Variants in ATP13A5 observed in about 807,000 individuals in gnomAD.
The protein encoded by ATP13A5 is probable cation-transporting ATPase 13A5.
In ATP13A5, 149 loss-of-function variants were observed where a neutral mutation model predicts 150.2. That is an observed-to-expected ratio of 0.99 (90% CI 0.87 to 1.14). ATP13A5 has a LOEUF of 1.14. Ranked by LOEUF, ATP13A5 falls within the 50% of genes most tolerant of loss-of-function variation. The pLI is 0.00. For synonymous variants in ATP13A5, 497 were observed against 522.2 expected, an observed-to-expected ratio of 0.95 and a Z score of 0.66; for missense variants, 1,383 against 1,449.3, an observed-to-expected ratio of 0.95 and a Z score of 0.74.
chr3:193,311,795 A>G, intron 20 of ATP13A5, 21 bp downstream of exon 20: 1 of 1,612,900 alleles, frequency 6.2e-7, no homozygotes, highest in Non-Finnish European at 8.5e-7. Flanking sequence ...AAAACAAAAC[A>G]CTTCTTTCTT....
At chr3:193,336,686 A>G (rs113242710) in intron 9 of ATP13A5, among the ~76,000 whole-genome samples, 1 of 152,196 alleles carries the variant, frequency 6.6e-6, no homozygotes, top group African/African-American at 2.4e-5. Context: ...GAATAGTGCC[A>G]CAATAAACAT....
chr3:193,344,900 A>G, intron 8 of ATP13A5, 103 bp downstream of exon 8: 2 of 1,200,576 alleles, frequency 1.7e-6, no homozygotes, highest in Non-Finnish European at 2.4e-6. Flanking sequence ...TTCTGGGTTC[A>G]ATCTGAAAAG....
At chr3:193,360,245 A>G (rs1712953375) in intron 5 of ATP13A5, among the ~76,000 whole-genome samples, 1 of 152,174 alleles carries the variant, frequency 6.6e-6, no homozygotes, top group South Asian at 2.1e-4. Context: ...ATTTCTCCTG[A>G]TGTTTGGATA....
intron 12 of ATP13A5, among the ~76,000 whole-genome samples, 160 bp from the exon 13 acceptor site, chr3:193,327,217 A>G (rs1172354860): frequency 6.6e-6 from 1 of 152,258 alleles, no homozygotes; most frequent in Non-Finnish European, 1.5e-5. Flanking sequence ...AGTACCCACA[A>G]GAAAAATTAA....
At chr3:193,331,365 C>T (rs1711624625) in intron 11 of ATP13A5, 54 bp from the exon 12 acceptor site, 2 of 1,519,084 alleles carry the variant, frequency 1.3e-6, no homozygotes, top group East Asian at 2.3e-5. Context: ...CAGACTGCCA[C>T]CCTTCCTAGT....
intron 9 of ATP13A5, among the ~76,000 whole-genome samples, chr3:193,340,194 G>C (rs941579865): frequency 6.6e-6 from 1 of 152,204 alleles, no homozygotes; most frequent in Admixed American, 6.5e-5. Flanking sequence ...TGTCCACAAG[G>C]ATCAAGATGC....
chr3:193,351,167 G>A lies in ATP13A5; in HGVS notation c.641C>T (p.Thr214Ile). ...LNPFYVFQAFTLTLWLSQGYI... is the reference protein window; with the variant it reads ...LNPFYVFQAFILTLWLSQGYI... The stretch of plus-strand genomic sequence containing the variant: ...ACCTTGAGACAGCCACAAAGTTAGG[G>A]TGAAGGCTTGGAACACATAGAATGG... The change falls in exon 7 of 30, where the codon ACC (threonine) becomes ATC (isoleucine). Residue 214 changes from threonine (T) to isoleucine (I), a missense_variant. Physicochemically the swap from Thr to Ile is moderately conservative, Grantham distance 89 (BLOSUM62 -1). Coordinates refer to ENST00000342358, the MANE Select transcript of ATP13A5 (RefSeq NM_198505.4). The A allele has an allele frequency of 1.9e-6, 3 of 1,613,808 alleles. No individual in the cohort carries two copies. The highest frequency in any genetic ancestry group is 2.5e-6 in the Non-Finnish European group (3 of 1,179,746).
intron 22 of ATP13A5, among the ~76,000 whole-genome samples, chr3:193,306,425 G>T (rs1718621702): frequency 6.6e-6 from 1 of 151,962 alleles, no homozygotes; most frequent in African/African-American, 2.4e-5. Context: ...ACGTATTCTA[G>T]ATTTGAAAGA....
intron 7 of ATP13A5, among the ~76,000 whole-genome samples, chr3:193,350,212 G>C (rs923589592): frequency 6.6e-6 from 1 of 151,592 alleles, no homozygotes; most frequent in African/African-American, 2.4e-5. Context: ...ATATAAGCTG[G>C]TATATATATA....
intron 12 of ATP13A5, among the ~76,000 whole-genome samples, chr3:193,329,346 A>G (rs546784339): frequency 1.3e-5 from 2 of 152,248 alleles, no homozygotes; most frequent in South Asian, 4.2e-4. Flanking sequence ...GTCACGTGTC[A>G]TCATGCCCTG....
intron 25 of ATP13A5, among the ~76,000 whole-genome samples, chr3:193,293,351 C>A (rs1330657674): frequency 1.3e-5 from 2 of 152,122 alleles, no homozygotes; most frequent in Non-Finnish European, 2.9e-5. Context: ...ATACTAACTT[C>A]TGAAGTGTTA....
intron 18 of ATP13A5, 101 bp downstream of exon 18, chr3:193,314,871 T>C (rs113208215): frequency 6.9e-7 from 1 of 1,455,338 alleles, no homozygotes; most frequent in Non-Finnish European, 9.3e-7. Flanking sequence ...CAACAGAACA[T>C]TTTTCCCTGT....
At chr3:193,377,409 G>A (rs73198912) in intron 1 of ATP13A5, among the ~76,000 whole-genome samples, 2,817 of 152,228 alleles carry the variant, frequency 0.019, 46 homozygotes, top group Non-Finnish European at 0.03. Flanking sequence ...TTTTACCTAA[G>A]CTATCTAAAA....
intron 27 of ATP13A5, 26 bp from the exon 28 acceptor site, chr3:193,279,480 T>G: frequency 6.3e-7 from 1 of 1,575,642 alleles, no homozygotes; most frequent in Non-Finnish European, 8.7e-7. Context: ...ACATTATTTT[T>G]AGATGTTAAA....
intron 1 of ATP13A5, 43 bp downstream of exon 1, chr3:193,378,620 T>C (rs113880715): frequency 6.5e-7 from 1 of 1,534,190 alleles, no homozygotes. Context: ...ACTCACCGCC[T>C]TGGGCTCTTT....
chr3:193,334,319 T>C (rs1318294279), intron 10 of ATP13A5, among the ~76,000 whole-genome samples: 1 of 152,170 alleles, frequency 6.6e-6, no homozygotes, highest in Non-Finnish European at 1.5e-5. Context: ...GCCTTCATTG[T>C]GTCACGTCAT....
rs547943821 is a variant in ATP13A5 at position 193,324,954 on chromosome 3, C to A, written c.1584G>T (p.Ala528=). 1 of 1,614,014 alleles carries A rather than the reference C, an allele frequency of 6.2e-7. No homozygotes were observed. The highest frequency in any genetic ancestry group is 8.5e-7 in the Non-Finnish European group (1 of 1,179,934). Reference sequence around the variant, plus strand: ...TCAGAGAGTGGCAGCTGGCCATGGCCGCACACAGTGGGCTCCATGGCACAG... The same window carrying A: ...TCAGAGAGTGGCAGCTGGCCATGGCAGCACACAGTGGGCTCCATGGCACAG... The part of the protein sequence containing the change: ...GQAVPWSPLC[A]AMASCHSLIL... The change falls in exon 14 of 30, where the codon GCG becomes GCT. Residue 528 remains alanine (A), a synonymous_variant. Coordinates refer to ENST00000342358, the MANE Select transcript of ATP13A5 (RefSeq NM_198505.4).
At chr3:193,362,253 G>C (rs532221291) in intron 5 of ATP13A5, 128 bp downstream of exon 5, 10 of 801,702 alleles carry the variant, frequency 1.2e-5, no homozygotes, top group Non-Finnish European at 1.8e-5. Flanking sequence ...TATCTCCGCT[G>C]CCAGTAAATG....
At chr3:193,348,766 C>T (rs1712449786) in intron 7 of ATP13A5, among the ~76,000 whole-genome samples, 1 of 152,278 alleles carries the variant, frequency 6.6e-6, no homozygotes, top group East Asian at 1.9e-4. Flanking sequence ...TTGGAGATAG[C>T]AGTAGATGCT....
Sources: allele counts gnomAD v4.1 joint callset (sites outside exome capture counted in the v4.1 genomes callset), GRCh38; gene constraint gnomAD v4.1.1; transcripts MANE v1.5; gene names NCBI Gene and HGNC (gene_info 2026-07-23, HGNC 2026-07-21).